The following FTCD variants were observed in gnomAD, a reference collection of about 807,000 sequenced individuals.
FTCD encodes the protein formimidoyltransferase-cyclodeaminase.
A neutral mutation model predicts 62.9 loss-of-function variants in FTCD; 76 were observed. That is an observed-to-expected ratio of 1.21 (90% CI 1.00 to 1.46). The LOEUF is 1.46. FTCD is among the 40% of genes most tolerant of loss of function. The pLI, the probability that FTCD is intolerant of heterozygous loss-of-function variation, is 0.00. For missense variants in FTCD, 845 were observed against 751.3 expected (o/e 1.12, Z -1.46); for synonymous variants, 397 against 336.9 (o/e 1.18, Z -1.95).
chr21:46,138,375 CG>C lies in FTCD; in HGVS notation c.1443+132del, dbSNP rs1032734627. Reference sequence around the variant, plus strand: ...GCCCTGTTGGAGGAGGCCAAAGCCCCGGGAACTGCCCGTGAAGTGAGGTCTC... The same window carrying C: ...GCCCTGTTGGAGGAGGCCAAAGCCCCGGAACTGCCCGTGAAGTGAGGTCTC... On this transcript the variant is annotated intron_variant, in intron 12 of 13. Coordinates refer to ENST00000397746, the MANE Select transcript of FTCD (RefSeq NM_206965.2). 35 of 839,972 alleles carry C rather than the reference CG, an allele frequency of 4.2e-5. No individual in the cohort carries two copies. The African/African-American group carries it at 4.9e-4, about 12-fold the overall frequency. The allele number at this position is 839,972 out of a possible 1,614,324, so 52.0% of individuals were successfully genotyped here. A position where few individuals can be genotyped will look rare whatever the true frequency, so the allele number is the denominator to read the frequency against.
At chr21:46,138,714 C>T (rs1258280583) in intron 11 of FTCD, 68 bp from the exon 12 acceptor site, 12 of 1,537,864 alleles carry the variant, frequency 7.8e-6, no homozygotes, top group South Asian at 5.6e-5. Flanking sequence ...ACACTGCACC[C>T]CAACAGGGCT....
rs547008811 is a variant in FTCD, at chr21:46,154,750, C to T, written c.55-418G>A. Among the ~76,000 whole-genome samples, 12 of 152,358 alleles carry T rather than the reference C, an allele frequency of 7.9e-5. No homozygotes were observed. The South Asian group carries it at 2.5e-3, about 32-fold the overall frequency. ...GGGGCCTGAAGGGCCTAGAACCTTC[C>T]GGGTGGCAGGACTGCTGGGAGCAGG... On this transcript the variant is annotated intron_variant, in intron 1 of 13. Coordinates refer to ENST00000397746, the MANE Select transcript of FTCD (RefSeq NM_206965.2).
At chr21:46,141,523 A>G (rs917370569) in intron 10 of FTCD, among the ~76,000 whole-genome samples, 23 of 152,162 alleles carry the variant, frequency 1.5e-4, no homozygotes, top group African/African-American at 5.6e-4. Flanking sequence ...AACCCATTAA[A>G]GTATAGAAAA....
At chr21:46,141,522 A>C (rs1438249261) in intron 10 of FTCD, among the ~76,000 whole-genome samples, 1 of 152,144 alleles carries the variant, frequency 6.6e-6, no homozygotes, top group Non-Finnish European at 1.5e-5. Context: ...CAACCCATTA[A>C]AGTATAGAAA....
In FTCD at chr21:46,152,944, G is replaced by T; in HGVS notation, c.330C>A (p.Ala110=). The T allele has an allele frequency of 6.4e-7, 1 of 1,564,766 alleles. No individual in the cohort carries two copies. The highest frequency in any genetic ancestry group is 1.2e-5 in the South Asian group (1 of 85,156). The change falls in exon 3 of 14, where the codon GCC becomes GCA. Residue 110 remains alanine (A), a synonymous_variant. Transcript: ENST00000397746. ...SVDECVLCAQ[A]FGQRLAEELD... ...GCTCCTCTGCCAGCCTCTGGCCAAA[G>T]GCCTGGGCGCAGAGCACACACTCAT...
At chr21:46,146,592 G>C (rs1174142278) in intron 7 of FTCD, 3 of 572,392 alleles carry the variant, frequency 5.2e-6, no homozygotes, top group Non-Finnish European at 9.4e-6. Flanking sequence ...CTGAGGCCCA[G>C]AGAAAGGAGT....
At chr21:46,145,236 T>C (rs897606294) in intron 10 of FTCD, among the ~76,000 whole-genome samples, 181 bp downstream of exon 10, 6 of 152,180 alleles carry the variant, frequency 3.9e-5, no homozygotes, top group African/African-American at 1.4e-4. Flanking sequence ...GCCCAAGCAC[T>C]TGCCGGGGTG....
In FTCD at chr21:46,138,638, G is replaced by A. The variant is rs61735841; in HGVS notation, c.1313C>T (p.Ala438Val). 146,307 of 1,592,622 alleles carry A rather than the reference G, an allele frequency of 0.092. 8,022 individuals carry two copies. The highest frequency in any genetic ancestry group is 0.11 in the Non-Finnish European group (130,032 of 1,175,656). Residue 438 changes from alanine to valine, a missense_variant, in exon 12 of 14, where the codon GCG becomes GTG. Transcript: ENST00000397746. ...NTPEEKDRRT[A>V]ALQEGLRRAV... Reference sequence around the variant, plus strand: ...CCGCCTCAGACCCTCCTGTAGGGCCGCCGTGCGCCTGAAAGGAGCAAGAGG... The same window carrying A: ...CCGCCTCAGACCCTCCTGTAGGGCCACCGTGCGCCTGAAAGGAGCAAGAGG...
Position 46,138,882 on chromosome 21 carries a change from G to A in FTCD, c.1302C>T (p.Asp434=), listed in dbSNP as rs566814523. ...TGCGGCCGGCCCTCCAGGCTCACCT[G>A]TCCTTTTCCTCAGGTGTGTTCTTGG... ...RLPKNTPEEK[D]RRTAALQEGL... Residue 434 remains aspartate, a splice_region_variant and synonymous_variant, in exon 11 of 14, where the codon GAC becomes GAT. Transcript: ENST00000397746. 62 of 1,612,140 alleles carry A rather than the reference G, an allele frequency of 3.8e-5. No individual in the cohort carries two copies. The East Asian group carries it at 7.1e-4, about 19-fold the overall frequency.
At chr21:46,142,167 G>A (rs2079025025) in intron 10 of FTCD, 1 of 152,332 alleles carries the variant, frequency 6.6e-6, no homozygotes, top group African/African-American at 2.4e-5. Flanking sequence ...TGCAAACAGT[G>A]TGTCCGGAAT....
In FTCD at chr21:46,151,724, T is replaced by A. The variant is rs144229469; in HGVS notation, c.470A>T (p.Asp157Val). The A allele has an allele frequency of 6.8e-5, 109 of 1,612,844 alleles. No individual in the cohort carries two copies. The African/African-American group carries it at 1.3e-3, about 19-fold the overall frequency. Reference protein sequence around the residue: ...EALPKKLQQADWAPDFGPSSF... With the variant: ...EALPKKLQQAVWAPDFGPSSF... ...GCTGGGACCAAAGTCGGGCGCCCAG[T>A]CGGCCTGCTGGAGCTGTGAGCAAGT... is the stretch of plus-strand genomic sequence containing the variant. Residue 157 changes from aspartate (D) to valine (V), a missense_variant, in exon 5 of 14, where the codon GAC (aspartate) becomes GTC (valine). Transcript: ENST00000397746.
intron 7 of FTCD, 51 bp downstream of exon 7, chr21:46,150,068 C>G (rs530255782): frequency 6.4e-7 from 1 of 1,559,718 alleles, no homozygotes; most frequent in South Asian, 1.1e-5. Flanking sequence ...CACCGCCTCC[C>G]CACCCTCCCT....
intron 10 of FTCD, among the ~76,000 whole-genome samples, chr21:46,141,681 A>G (rs1232580330): frequency 6.6e-6 from 1 of 152,072 alleles, no homozygotes; most frequent in Non-Finnish European, 1.5e-5. Context: ...ACAAACGGGG[A>G]AAGCTGAGCC....
At position 46,145,631 on chromosome 21, in the gene FTCD, GAC is replaced by G. The variant is rs1024914580; in HGVS notation, c.1099-55_1099-54del. On this transcript the variant is annotated intron_variant, in intron 9 of 13. Transcript: ENST00000397746. ...CAGGGACCCCAGACGGCCCGGGACC[GAC>G]CCCAGGAAGAGCCAGGGGCCCGGGT... is the stretch of plus-strand genomic sequence containing the variant. The G allele has an allele frequency of 1.8e-5, 26 of 1,438,088 alleles. No homozygotes were observed. In the African/African-American group the frequency reaches 2.9e-4, roughly 16 times the overall value. The allele number at this position is 1,438,088 out of a possible 1,614,324, so 89.1% of individuals were successfully genotyped here.
chr21:46,152,384 C>T (rs766741319), intron 3 of FTCD: 19 of 208,968 alleles, frequency 9.1e-5, no homozygotes, highest in South Asian at 3.7e-4. Context: ...GGCCCTGCGT[C>T]GGGATTTCCT....
chr21:46,136,914 C>T lies in FTCD; in HGVS notation c.*73G>A. ...CCCACACGAACAAGCTGTGTCCCCA[C>T]CGAGGTCACAGCTCTGCCCTCTGGG... On this transcript the variant is annotated 3_prime_UTR_variant, in exon 14 of 14. Coordinates refer to ENST00000397746, the MANE Select transcript of FTCD (RefSeq NM_206965.2). 7 of 1,606,766 alleles carry T rather than the reference C, an allele frequency of 4.4e-6. No individual in the cohort carries two copies. Among genetic ancestry groups the T allele is most frequent in the Non-Finnish European group, 5.9e-6 (7 of 1,177,386 alleles).
At chr21:46,148,949 T>C (rs2079207701) in intron 7 of FTCD, among the ~76,000 whole-genome samples, 1 of 152,198 alleles carries the variant, frequency 6.6e-6, no homozygotes, top group East Asian at 1.9e-4. Flanking sequence ...AATTACACTG[T>C]GGTTATGTAA....
At chr21:46,146,528 C>T (rs576962222) in intron 7 of FTCD, 29 of 605,346 alleles carry the variant, frequency 4.8e-5, no homozygotes, top group Non-Finnish European at 6.8e-5. Flanking sequence ...CCCCAGCAGG[C>T]ACCCCGTACA....
chr21:46,143,624 A>G (rs1431426817), intron 10 of FTCD, among the ~76,000 whole-genome samples: 1 of 152,190 alleles, frequency 6.6e-6, no homozygotes, highest in African/African-American at 2.4e-5. Flanking sequence ...GGGGCACGCT[A>G]AAAAGTGACC....
Sources: gnomAD v4.1 joint callset for allele counts (sites outside exome capture counted in the v4.1 genomes callset) on GRCh38, gnomAD v4.1.1 for gene constraint, MANE v1.5 for transcripts, NCBI Gene and HGNC (gene_info 2026-07-23, HGNC 2026-07-21) for gene names.